The following OPCML variants were observed in gnomAD, a reference collection of about 807,000 sequenced individuals.
OPCML encodes opioid-binding protein/cell adhesion molecule.
OPCML carries 13 observed loss-of-function variants against 37.8 expected under a neutral mutation model. The observed-to-expected ratio is 0.34, with a 90% CI of 0.22 to 0.55. OPCML has a LOEUF of 0.55. OPCML is among the 20% of genes least tolerant of loss of function. The pLI, the probability that OPCML is intolerant of heterozygous loss-of-function variation, is 0.91. For missense variants in OPCML, 341 were observed against 435.6 expected (o/e 0.78, Z 1.93); for synonymous variants, 176 against 168.8 (o/e 1.04, Z -0.33).
chr11:133,480,527 TCCCTCTTTGAGACTTGAACTATG>T (rs1947350922), intron 1 of OPCML, among the ~76,000 whole-genome samples: 2 of 152,204 alleles, frequency 1.3e-5, no homozygotes, highest in African/African-American at 4.8e-5. Flanking sequence ...TATGATCTGC[TCCCTCTTTGAGACTTGAACTATG>T]CCCTCAGGCA....
intron 3 of OPCML, among the ~76,000 whole-genome samples, chr11:132,582,212 C>G (rs577832835): frequency 1.3e-5 from 2 of 150,256 alleles, no homozygotes; most frequent in African/African-American, 4.9e-5. Flanking sequence ...GGAAAGAGAA[C>G]AATTTTATGA....
At chr11:133,019,059 T>C (rs1176086743) in intron 1 of OPCML, among the ~76,000 whole-genome samples, 1 of 152,216 alleles carries the variant, frequency 6.6e-6, no homozygotes, top group Admixed American at 6.5e-5. Flanking sequence ...TGAGTGATTA[T>C]GATCTCTGCA....
intron 4 of OPCML, among the ~76,000 whole-genome samples, chr11:132,482,307 C>T (rs2096183473): frequency 6.6e-6 from 1 of 152,066 alleles, no homozygotes; most frequent in African/African-American, 2.4e-5. Flanking sequence ...TGCAAATAAA[C>T]TAGAAAATCT....
chr11:132,741,212 C>G (rs1945423836), intron 2 of OPCML, among the ~76,000 whole-genome samples: 1 of 152,158 alleles, frequency 6.6e-6, no homozygotes, highest in African/African-American at 2.4e-5. Flanking sequence ...GTGAGCACTC[C>G]CAGCCAGCCT....
chr11:133,248,509 C>G (rs927150414), intron 1 of OPCML, among the ~76,000 whole-genome samples: 1 of 152,216 alleles, frequency 6.6e-6, no homozygotes, highest in Non-Finnish European at 1.5e-5. Flanking sequence ...GAAGCTTGAA[C>G]AAGCCATAAC....
At position 132,964,682 on chromosome 11, in the gene OPCML, C is replaced by T. The variant is rs931172570; in HGVS notation, c.62-21672G>A. 2.6e-5 allele frequency among the ~76,000 whole-genome samples: 4 copies of T among 152,210 alleles called. No homozygotes were observed. The East Asian group carries it at 7.7e-4, about 29-fold the overall frequency. ...CATGCAAGGCTCTGCCAAACGTCCA[C>T]TCCTCCGTGACCTTACAGTTGGCAC... On this transcript the variant is annotated intron_variant, in intron 1 of 7. Transcript: ENST00000524381.
chr11:132,676,933 G>A (rs948512736), intron 2 of OPCML, among the ~76,000 whole-genome samples: 2 of 151,850 alleles, frequency 1.3e-5, no homozygotes, highest in African/African-American at 4.8e-5. Flanking sequence ...AACTGATTAA[G>A]AAGAAAGAAA....
At chr11:133,358,181 T>C (rs542136659) in intron 1 of OPCML, among the ~76,000 whole-genome samples, 1 of 152,360 alleles carries the variant, frequency 6.6e-6, no homozygotes, top group Non-Finnish European at 1.5e-5. Context: ...ATGTTTATCA[T>C]TTAATCTATC....
intron 2 of OPCML, among the ~76,000 whole-genome samples, chr11:132,762,964 C>G (rs1235655443): frequency 6.6e-6 from 1 of 152,146 alleles, no homozygotes. Flanking sequence ...AAAGAATCTC[C>G]TGGTCTGTGG....
chr11:133,354,041 A>G (rs1944204041), intron 1 of OPCML, among the ~76,000 whole-genome samples: 1 of 152,132 alleles, frequency 6.6e-6, no homozygotes, highest in African/African-American at 2.4e-5. Flanking sequence ...GGTGTGAGCA[A>G]ATCCTCTCTA....
At chr11:132,814,587 G>T (rs1939524627) in intron 2 of OPCML, among the ~76,000 whole-genome samples, 1 of 152,140 alleles carries the variant, frequency 6.6e-6, no homozygotes. Context: ...ATATTAAAAA[G>T]GGCATTCTAG....
At position 133,212,895 on chromosome 11, in the gene OPCML, C is replaced by T. The variant is rs1433680535; in HGVS notation, c.62-269885G>A. Reference sequence around the variant, plus strand: ...TTCCACGTTTGTATCTGCGTCATGCCGTTAAACCACACATCAAGCTTTTAT... The same window carrying T: ...TTCCACGTTTGTATCTGCGTCATGCTGTTAAACCACACATCAAGCTTTTAT... On this transcript the variant is annotated intron_variant, in intron 1 of 7. Transcript: ENST00000524381. The surrounding 1 kb of genome is among the most constrained non-coding windows in gnomAD (Gnocchi z 4.9). 6.6e-6 allele frequency among the ~76,000 whole-genome samples: 1 copy of T among 152,120 alleles called. No individual in the cohort carries two copies. The highest frequency in any genetic ancestry group is 1.5e-5 in the Non-Finnish European group (1 of 68,032).
intron 2 of OPCML, among the ~76,000 whole-genome samples, chr11:132,803,871 G>A (rs971079903): frequency 6.6e-6 from 1 of 152,112 alleles, no homozygotes; most frequent in Non-Finnish European, 1.5e-5. Flanking sequence ...TAATATGTAA[G>A]GCATTCAAAA....
intron 2 of OPCML, chr11:132,771,527 TTTG>T (rs1946634033): frequency 6.6e-6 from 1 of 152,244 alleles, no homozygotes. Flanking sequence ...TCCTTGTTTA[TTTG>T]TTATGTTTAG....
In OPCML at chr11:132,846,262, C is replaced by T. The variant is rs57382516; in HGVS notation, c.146+96664G>A. Among the ~76,000 whole-genome samples the T allele has an allele frequency of 1.5e-3, 232 of 152,304 alleles. 1 individual carries two copies. The highest frequency in any genetic ancestry group is 5.3e-3 in the African/African-American group (222 of 41,564). On this transcript the variant is annotated intron_variant, in intron 2 of 7. Transcript: ENST00000524381. ...TGTACTGAGATGGAGCCACATAAAA[C>T]TTAACCAGCAACAAAGGCTGAGCGC... is the stretch of plus-strand genomic sequence containing the variant.
intron 1 of OPCML, among the ~76,000 whole-genome samples, chr11:132,988,125 C>A (rs983753321): frequency 6.6e-6 from 1 of 152,196 alleles, no homozygotes. Context: ...TTTATTAGGA[C>A]AACTTTGATG....
At chr11:133,228,988 G>A (rs937875654) in intron 1 of OPCML, among the ~76,000 whole-genome samples, 1 of 152,200 alleles carries the variant, frequency 6.6e-6, no homozygotes, top group Non-Finnish European at 1.5e-5. Flanking sequence ...TTCTCGGTAA[G>A]TTTCTGCACC....
chr11:132,733,809 G>A (rs1247768588), intron 2 of OPCML, among the ~76,000 whole-genome samples: 2 of 152,186 alleles, frequency 1.3e-5, no homozygotes, highest in Non-Finnish European at 1.5e-5. Flanking sequence ...ACTAGCCCAC[G>A]GAGATGCTGA....
intron 2 of OPCML, among the ~76,000 whole-genome samples, chr11:132,878,295 C>T (rs545549806): frequency 2.5e-4 from 38 of 152,286 alleles, no homozygotes; most frequent in South Asian, 6.2e-4. Flanking sequence ...TCTGGTTAAA[C>T]GTGTTCTGTG....
Sources: gnomAD v4.1 joint callset for allele counts (sites outside exome capture counted in the v4.1 genomes callset) on GRCh38, gnomAD v4.1.1 for gene constraint, Gnocchi (gnomAD v3.1) non-coding constraint, MANE v1.5 for transcripts, NCBI Gene and HGNC (gene_info 2026-07-23, HGNC 2026-07-21) for gene names.